RPTOR: variants seen among roughly 807,000 people sequenced by gnomAD.
The protein encoded by RPTOR is regulatory associated protein of MTOR complex 1, also known as regulatory-associated protein of mTOR.
RPTOR carries 21 observed loss-of-function variants against 169.9 expected under a neutral mutation model. That is an observed-to-expected ratio of 0.12 (90% CI 0.09 to 0.18). The LOEUF (loss-of-function observed/expected upper bound fraction) is 0.18. Ranked by LOEUF, RPTOR falls within the 10% of genes least tolerant of loss-of-function variation. The pLI is 1.00. For synonymous variants in RPTOR, 732 were observed against 753.2 expected, an observed-to-expected ratio of 0.97 and a Z score of 0.46; for missense variants, 1,133 against 1,855.9, an observed-to-expected ratio of 0.61 and a Z score of 7.16.
At chr17:80,841,394 ACACCGCACGGCAG>A (rs2067653734) in intron 10 of RPTOR, among the ~76,000 whole-genome samples, 2 of 98,878 alleles carry the variant, frequency 2.0e-5, no homozygotes, top group Non-Finnish European at 4.1e-5. Context: ...ACGGCAGCTC[ACACCGCACGGCAG>A]CTCACACTCA....
intron 4 of RPTOR, among the ~76,000 whole-genome samples, chr17:80,717,118 AT>A (rs1477171530): frequency 6.6e-6 from 1 of 152,102 alleles, no homozygotes; most frequent in African/African-American, 2.4e-5. Flanking sequence ...TGATGGTGGT[AT>A]TTTGATGGGA....
chr17:80,863,718 A>G (rs187868747), intron 13 of RPTOR, among the ~76,000 whole-genome samples: 108 of 152,310 alleles, frequency 7.1e-4, no homozygotes, highest in African/African-American at 2.4e-3. Context: ...GGATTTCAAT[A>G]CCAGCCTGAG....
rs1053407054 is a variant in RPTOR, at chr17:80,707,172, T to C, written c.349-669T>C. 5.3e-5 allele frequency among the ~76,000 whole-genome samples: 8 copies of C among 152,214 alleles called. No individual in the cohort carries two copies. The highest frequency in any genetic ancestry group is 3.3e-4 in the Admixed American group (5 of 15,284). On this transcript the variant is annotated intron_variant, in intron 3 of 33. Coordinates refer to ENST00000306801, the MANE Select transcript of RPTOR (RefSeq NM_020761.3). This position sits in a 1 kb window ranked among gnomAD's most constrained non-coding sequence, Gnocchi z 5.0. The stretch of plus-strand genomic sequence containing the variant: ...TCACTCTTCTGCCATTGCTGCCATG[T>C]GTACATTGCAGGCTCCTTCATTTGA...
Position 80,912,583 on chromosome 17 carries a change from G to C in RPTOR, c.2520+3654G>C, listed in dbSNP as rs564686132. Among the ~76,000 whole-genome samples, 6 of 152,190 alleles carry C rather than the reference G, an allele frequency of 3.9e-5. 1 individual carries two copies. Among genetic ancestry groups the C allele is most frequent in the Non-Finnish European group, 8.8e-5 (6 of 68,006 alleles). ...AAATAGCTCCTCTTGGGAAGCTCTC[G>C]AGCCTGTGTAGCACAGAAGCCACTG... On this transcript the variant is annotated intron_variant, in intron 21 of 33. Transcript: ENST00000306801.
rs1453823089 is a variant in RPTOR, at chr17:80,820,674, A to T, written c.891-1527A>T. 6.6e-6 allele frequency among the ~76,000 whole-genome samples: 1 copy of T among 152,170 alleles called. No individual in the cohort carries two copies. Among genetic ancestry groups the T allele is most frequent in the Non-Finnish European group, 1.5e-5 (1 of 68,028 alleles). On this transcript the variant is annotated intron_variant, in intron 7 of 33. Coordinates refer to ENST00000306801, the MANE Select transcript of RPTOR (RefSeq NM_020761.3). This position sits in a 1 kb window ranked among gnomAD's most constrained non-coding sequence, Gnocchi z 4.1. ...GGCAGCCTGGCCATTCCTCCTGCGC[A>T]CAGTGGACATGCTTGTTCTGAAGCG... is the stretch of plus-strand genomic sequence containing the variant.
intron 33 of RPTOR, among the ~76,000 whole-genome samples, chr17:80,964,015 G>A (rs1455754775): frequency 2.6e-5 from 4 of 152,154 alleles, no homozygotes; most frequent in Non-Finnish European, 4.4e-5. Flanking sequence ...GAGCTGCCCC[G>A]TGGGGCAGTC....
At chr17:80,598,760 A>T (rs112451869) in intron 1 of RPTOR, among the ~76,000 whole-genome samples, 84 of 152,354 alleles carry the variant, frequency 5.5e-4, no homozygotes, top group African/African-American at 1.9e-3. Flanking sequence ...GGCACCGGAC[A>T]TGAAGCTGAT....
intron 20 of RPTOR, among the ~76,000 whole-genome samples, chr17:80,906,842 G>A (rs1187161061): frequency 2.6e-5 from 4 of 152,048 alleles, no homozygotes; most frequent in Admixed American, 2.6e-4. Flanking sequence ...ATCACTCACT[G>A]CAACACGCAT....
chr17:80,731,402 TAAA>T (rs931128996), intron 5 of RPTOR, among the ~76,000 whole-genome samples: 2 of 144,852 alleles, frequency 1.4e-5, no homozygotes, highest in African/African-American at 5.1e-5. Context: ...TCTGTTGTGT[TAAA>T]AAAAAAAAAA....
chr17:80,600,841 C>T (rs975070380), intron 1 of RPTOR, among the ~76,000 whole-genome samples: 5 of 151,564 alleles, frequency 3.3e-5, no homozygotes, highest in African/African-American at 9.7e-5. Flanking sequence ...CAGAGATGAC[C>T]GCAGCAGCAT....
Position 80,726,742 on chromosome 17 carries a change from C to T in RPTOR, c.508-3818C>T, listed in dbSNP as rs983633110. 9.2e-5 allele frequency among the ~76,000 whole-genome samples: 14 copies of T among 152,074 alleles called. No individual in the cohort carries two copies. The highest frequency in any genetic ancestry group is 8.5e-4 in the Admixed American group (13 of 15,270). ...GGGCAAGTTGTATTCAGATGCTGTT[C>T]GCTAAGCCCAGAACATTATAGGAGG... On this transcript the variant is annotated intron_variant, in intron 4 of 33. Coordinates refer to ENST00000306801, the MANE Select transcript of RPTOR (RefSeq NM_020761.3). The surrounding 1 kb of genome is among the most constrained non-coding windows in gnomAD (Gnocchi z 4.5).
chr17:80,618,862 G>A (rs2065333535), intron 1 of RPTOR, among the ~76,000 whole-genome samples: 1 of 152,212 alleles, frequency 6.6e-6, no homozygotes, highest in African/African-American at 2.4e-5. Context: ...TTTGGTTGCA[G>A]AAATTCAGTT....
In RPTOR at chr17:80,959,652, C is replaced by T. The variant is rs1004498102; in HGVS notation, c.3478-426C>T. On this transcript the variant is annotated intron_variant, in intron 29 of 33. Transcript: ENST00000306801. The surrounding 1 kb of genome is among the most constrained non-coding windows in gnomAD (Gnocchi z 6.7). ...CCATAGCTCATTAGAAGTTCTGAGA[C>T]GCAGCCAGTGAGGAGTCCTTGCCAA... Among the ~76,000 whole-genome samples the T allele has an allele frequency of 3.9e-5, 6 of 152,318 alleles. No individual in the cohort carries two copies. The East Asian group carries it at 5.8e-4, about 15-fold the overall frequency.
At position 80,878,667 on chromosome 17, in the gene RPTOR, T is replaced by A. The variant is rs1432053004; in HGVS notation, c.1510-1748T>A. On this transcript the variant is annotated intron_variant, in intron 13 of 33. Coordinates refer to ENST00000306801, the MANE Select transcript of RPTOR (RefSeq NM_020761.3). This position sits in a 1 kb window ranked among gnomAD's most constrained non-coding sequence, Gnocchi z 4.1. ...AGCTGAGCACAGATTTTTAAAACTT[T>A]ACCTGGGTCCCTGACTAGTAAGAGG... 6.6e-6 allele frequency among the ~76,000 whole-genome samples: 1 copy of A among 152,210 alleles called. No individual in the cohort carries two copies. Among genetic ancestry groups the A allele is most frequent in the Non-Finnish European group, 1.5e-5 (1 of 68,034 alleles).
At chr17:80,613,039 C>G (rs2065282270) in intron 1 of RPTOR, among the ~76,000 whole-genome samples, 1 of 152,190 alleles carries the variant, frequency 6.6e-6, no homozygotes, top group Non-Finnish European at 1.5e-5. Context: ...CCAGGGTCCC[C>G]CCTTGGATGC....
chr17:80,957,658 C>G lies in RPTOR; in HGVS notation c.3405C>G (p.Thr1135=). The G allele has an allele frequency of 1.2e-6, 2 of 1,614,174 alleles. No individual in the cohort carries two copies. The highest frequency in any genetic ancestry group is 1.7e-5 in the Admixed American group (1 of 60,032). ...TGGTGGTGGACTGGGAGCAGGAGAC[C>G]GGCCTCCTCATGAGCTCAGGAGACG... The part of the protein sequence containing the change: ...AGMVVDWEQE[T]GLLMSSGDVR... Residue 1135 remains threonine (T), a synonymous_variant, in exon 29 of 34, where the codon ACC becomes ACG. Transcript: ENST00000306801. This position sits in a 1 kb window ranked among gnomAD's most constrained non-coding sequence, Gnocchi z 4.6.
At chr17:80,594,627 C>T (rs765949288) in intron 1 of RPTOR, among the ~76,000 whole-genome samples, 34 of 152,310 alleles carry the variant, frequency 2.2e-4, no homozygotes, top group Non-Finnish European at 3.7e-4. Flanking sequence ...TGAAGAAGCT[C>T]GTCAGGCTGT....
chr17:80,603,433 G>A (rs1398128269), intron 1 of RPTOR, among the ~76,000 whole-genome samples: 1 of 152,214 alleles, frequency 6.6e-6, no homozygotes, highest in Non-Finnish European at 1.5e-5. Context: ...TTTGCAAGAA[G>A]CTCGTGGGGG....
chr17:80,776,642 A>T (rs923887821), intron 6 of RPTOR, among the ~76,000 whole-genome samples: 1 of 152,164 alleles, frequency 6.6e-6, no homozygotes, highest in Non-Finnish European at 1.5e-5. Context: ...CTTCTTTACT[A>T]AAAGGTTGCT....
Sources: gnomAD v4.1 joint callset for allele counts (sites outside exome capture counted in the v4.1 genomes callset) on GRCh38, gnomAD v4.1.1 for gene constraint, Gnocchi (gnomAD v3.1) non-coding constraint, MANE v1.5 for transcripts, NCBI Gene and HGNC (gene_info 2026-07-23, HGNC 2026-07-21) for gene names.